Variants in PLXDC2 observed in about 807,000 individuals in gnomAD.
PLXDC2 encodes plexin domain-containing protein 2.
In PLXDC2, 40 loss-of-function variants were observed where a neutral mutation model predicts 68.9. The observed-to-expected ratio is 0.58, with a 90% CI of 0.45 to 0.76. The LOEUF (loss-of-function observed/expected upper bound fraction) is 0.76, where lower values mean the gene tolerates loss of function less well. Ranked by LOEUF, PLXDC2 falls within the 30% of genes least tolerant of loss-of-function variation. PLXDC2 has a pLI of 0.00. For missense variants in PLXDC2, 644 were observed against 661.9 expected (o/e 0.97, Z 0.30); for synonymous variants, 243 against 234.2 (o/e 1.04, Z -0.34).
chr10:19,883,177 T>C (rs543413488), intron 1 of PLXDC2, among the ~76,000 whole-genome samples: 1 of 152,214 alleles, frequency 6.6e-6, no homozygotes. Context: ...TTAGCCAGGA[T>C]GGTCTCGATC....
chr10:20,173,268 A>T (rs1834474268), intron 7 of PLXDC2, among the ~76,000 whole-genome samples: 1 of 152,230 alleles, frequency 6.6e-6, no homozygotes, highest in Non-Finnish European at 1.5e-5. Context: ...ACACATAAAT[A>T]GGGAAATGTT....
At chr10:20,264,576 G>C (rs552917741) in intron 13 of PLXDC2, among the ~76,000 whole-genome samples, 19 of 151,412 alleles carry the variant, frequency 1.3e-4, no homozygotes, top group Admixed American at 2.0e-4. Context: ...ATTAACATTA[G>C]AACAACCAAA....
chr10:20,143,395 A>G lies in PLXDC2; in HGVS notation c.642A>G (p.Ser214=), dbSNP rs760132510. ...ANFDPSVSRN[S]TVRYFDNGTA... ...TCGATCCCAGTGTATCCAGAAATTC[A>G]ACTGTCAGATATTTTGATAATGGTA... Residue 214 remains serine (S), a synonymous_variant, in exon 5 of 14, where the codon TCA becomes TCG. Coordinates refer to ENST00000377252, the MANE Select transcript of PLXDC2 (RefSeq NM_032812.9). 6.2e-7 allele frequency: 1 copy of G among 1,613,240 alleles called. No homozygotes were observed. Among genetic ancestry groups the G allele is most frequent in the South Asian group, 1.1e-5 (1 of 91,056 alleles).
intron 1 of PLXDC2, among the ~76,000 whole-genome samples, chr10:19,941,070 G>T (rs182936765): frequency 5.3e-5 from 8 of 152,276 alleles, no homozygotes; most frequent in Admixed American, 5.2e-4. Context: ...TGCCATGAAA[G>T]AATTCTTCAT....
At chr10:20,006,104 C>T (rs1183559423) in intron 2 of PLXDC2, among the ~76,000 whole-genome samples, 5 of 151,612 alleles carry the variant, frequency 3.3e-5, no homozygotes, top group African/African-American at 9.7e-5. Context: ...TGCATGAGCA[C>T]GGGAGTGTAG....
chr10:19,981,125 G>A (rs1466985938), intron 1 of PLXDC2, among the ~76,000 whole-genome samples: 4 of 152,156 alleles, frequency 2.6e-5, no homozygotes, highest in African/African-American at 9.7e-5. Context: ...AGTAGTTACT[G>A]ACAATTACTG....
At chr10:19,850,574 A>G (rs1304198377) in intron 1 of PLXDC2, among the ~76,000 whole-genome samples, 1 of 152,188 alleles carries the variant, frequency 6.6e-6, no homozygotes, top group Non-Finnish European at 1.5e-5. Flanking sequence ...TAATCGTCTA[A>G]TTGGTTCCTC....
intron 2 of PLXDC2, among the ~76,000 whole-genome samples, chr10:20,013,946 A>G (rs1225823579): frequency 6.6e-6 from 1 of 152,214 alleles, no homozygotes; most frequent in Non-Finnish European, 1.5e-5. Context: ...TAAGGAAACA[A>G]CTATGAATAA....
intron 4 of PLXDC2, among the ~76,000 whole-genome samples, chr10:20,100,945 C>T: frequency 6.6e-6 from 1 of 151,902 alleles, no homozygotes; most frequent in African/African-American, 2.4e-5. Flanking sequence ...TGACAATCAC[C>T]ATATTATATT....
At chr10:19,903,253 C>T (rs1838187878) in intron 1 of PLXDC2, among the ~76,000 whole-genome samples, 1 of 151,616 alleles carries the variant, frequency 6.6e-6, no homozygotes, top group Admixed American at 6.6e-5. Context: ...AGCATTGGTA[C>T]CAATTCTTCT....
intron 1 of PLXDC2, among the ~76,000 whole-genome samples, chr10:19,979,657 C>G (rs1834517770): frequency 6.6e-6 from 1 of 152,212 alleles, no homozygotes; most frequent in South Asian, 2.1e-4. Flanking sequence ...CAGGCGTGAG[C>G]TCCCGCACCT....
chr10:20,250,682 T>G (rs2119346186), intron 13 of PLXDC2, among the ~76,000 whole-genome samples: 1 of 152,332 alleles, frequency 6.6e-6, no homozygotes, highest in African/African-American at 2.4e-5. Context: ...TTTCTTCATA[T>G]GCTGTATGTA....
intron 4 of PLXDC2, among the ~76,000 whole-genome samples, chr10:20,124,930 T>C (rs891835235): frequency 6.6e-6 from 1 of 152,134 alleles, no homozygotes; most frequent in African/African-American, 2.4e-5. Context: ...CTCAGAGGCC[T>C]GACAGTAATG....
intron 4 of PLXDC2, among the ~76,000 whole-genome samples, chr10:20,104,810 C>T (rs573013617): frequency 2.6e-5 from 4 of 152,064 alleles, no homozygotes; most frequent in East Asian, 1.9e-4. Flanking sequence ...CCCAGCACTG[C>T]GGGAAGCTGA....
In PLXDC2 at chr10:20,169,860, C is replaced by T. The variant is rs147041031; in HGVS notation, c.883+5293C>T. 2.7e-3 allele frequency among the ~76,000 whole-genome samples: 408 copies of T among 152,324 alleles called. 1 individual carries two copies. Among genetic ancestry groups the T allele is most frequent in the African/African-American group, 9.4e-3 (391 of 41,578 alleles). On this transcript the variant is annotated intron_variant, in intron 7 of 13. Transcript: ENST00000377252. The stretch of plus-strand genomic sequence containing the variant: ...AAAATGGTTCTACTCCAAGTTATGA[C>T]AGTGACTATATCTGAGTCCCTTAGA...
At chr10:20,120,783 G>A (rs1022518576) in intron 4 of PLXDC2, among the ~76,000 whole-genome samples, 16 of 152,184 alleles carry the variant, frequency 1.1e-4, no homozygotes, top group Non-Finnish European at 2.1e-4. Context: ...GGAACACTGA[G>A]AAGTTATTTC....
At chr10:19,875,492 C>T (rs1250651294) in intron 1 of PLXDC2, among the ~76,000 whole-genome samples, 5 of 152,102 alleles carry the variant, frequency 3.3e-5, no homozygotes, top group Non-Finnish European at 5.9e-5. Flanking sequence ...TGCCAGCTAA[C>T]GACCTTGATA....
In PLXDC2 at chr10:20,287,979, C is replaced by CGGGGGGGGGGG. The variant is rs748974758; in HGVS notation, c.*8165_*8166insGGGGGGGGGGG. The CGGGGGGGGGGG allele has an allele frequency of 2.5e-3, 31 of 12,350 alleles. 1 individual carries two copies. Among genetic ancestry groups the CGGGGGGGGGGG allele is most frequent in the Admixed American group, 4.7e-3 (6 of 1,274 alleles). The allele number at this position is 12,350 out of a possible 1,614,324, so 0.8% of individuals were successfully genotyped here. On this transcript the variant is annotated 3_prime_UTR_variant, in exon 14 of 14. Coordinates refer to ENST00000377252, the MANE Select transcript of PLXDC2 (RefSeq NM_032812.9). ...AGAAGAAATTGGGCACTTCTTGCGG[C>CGGGGGGGGGGG]GGGGGAGGGGGGGGGGGCGGTGGCT...
chr10:19,867,886 A>C (rs1837452813), intron 1 of PLXDC2, among the ~76,000 whole-genome samples: 1 of 152,176 alleles, frequency 6.6e-6, no homozygotes, highest in African/African-American at 2.4e-5. Context: ...GCCTCTCTGA[A>C]ATTTGGTTAT....
Sources: allele counts gnomAD v4.1 joint callset (sites outside exome capture counted in the v4.1 genomes callset), GRCh38; gene constraint gnomAD v4.1.1; transcripts MANE v1.5; gene names NCBI Gene and HGNC (gene_info 2026-07-23, HGNC 2026-07-21).